IRF2: variants seen among roughly 807,000 people sequenced by gnomAD.
IRF2 encodes the protein interferon regulatory factor 2.
In IRF2, 15 loss-of-function variants were observed where a neutral mutation model predicts 40.6. The ratio of observed to expected loss-of-function variants is 0.37; its 90% CI spans 0.25 to 0.57. The LOEUF (loss-of-function observed/expected upper bound fraction) is 0.57, where lower values mean the gene tolerates loss of function less well. Ranked by LOEUF, IRF2 falls within the 20% of genes least tolerant of loss-of-function variation. The probability of loss-of-function intolerance (pLI) is 0.77; values close to 1 mark genes in which losing one functional copy is unlikely to be tolerated. For synonymous variants in IRF2, 151 were observed against 165.5 expected, an observed-to-expected ratio of 0.91 and a Z score of 0.67; for missense variants, 317 against 455.7, an observed-to-expected ratio of 0.70 and a Z score of 2.77.
intron 1 of IRF2, among the ~76,000 whole-genome samples, chr4:184,434,309 T>G (rs897708681): frequency 6.6e-6 from 1 of 152,314 alleles, no homozygotes; most frequent in Non-Finnish European, 1.5e-5. Context: ...GGCTAATCCC[T>G]CCATCTTCCC....
At chr4:184,429,730 C>A (rs1490048743) in intron 1 of IRF2, among the ~76,000 whole-genome samples, 1 of 152,158 alleles carries the variant, frequency 6.6e-6, no homozygotes, top group Admixed American at 6.5e-5. Context: ...ATGCCAGCCT[C>A]CCCGCTGACC....
chr4:184,417,555 C>T (rs1737324762), intron 5 of IRF2, among the ~76,000 whole-genome samples: 1 of 152,174 alleles, frequency 6.6e-6, no homozygotes, highest in Admixed American at 6.5e-5. Context: ...TAAAGATCCT[C>T]AGACTGTAGG....
chr4:184,456,585 G>C (rs573585615), intron 1 of IRF2, among the ~76,000 whole-genome samples: 1 of 152,198 alleles, frequency 6.6e-6, no homozygotes, highest in Admixed American at 6.5e-5. Context: ...GAAACCCCTC[G>C]GTCCAGCCAG....
At chr4:184,465,936 T>C (rs1367100906) in intron 1 of IRF2, among the ~76,000 whole-genome samples, 1 of 152,214 alleles carries the variant, frequency 6.6e-6, no homozygotes, top group Admixed American at 6.5e-5. Flanking sequence ...TCCAGAAAGT[T>C]TATTTCAATG....
Position 184,418,216 on chromosome 4 carries a change from G to A in IRF2, c.365-3C>T. 3 of 1,611,628 alleles carry A rather than the reference G, an allele frequency of 1.9e-6. No homozygotes were observed. Among genetic ancestry groups the A allele is most frequent in the Non-Finnish European group, 2.5e-6 (3 of 1,177,708 alleles). On this transcript the variant is annotated splice_polypyrimidine_tract_variant and splice_region_variant and intron_variant, in intron 4 of 8. Transcript: ENST00000393593. ...TTTTTCTGTCTTTGGTTTCTTTCCT[G>A]TGGCAACAAAAATGTAGTTTTGGAT...
rs182258458 is a variant in IRF2, at chr4:184,455,435, G to A, written c.-7+18944C>T. ...GCTGGGATTACAGGCATGAGCCACC[G>A]CACTCAGCCTCCTTCCACCTTCTGA... On this transcript the variant is annotated intron_variant, in intron 1 of 8. Coordinates refer to ENST00000393593, the MANE Select transcript of IRF2 (RefSeq NM_002199.4). Among the ~76,000 whole-genome samples, 273 of 144,756 alleles carry A rather than the reference G, an allele frequency of 1.9e-3. 3 individuals are homozygous for A. Among genetic ancestry groups the A allele is most frequent in the African/African-American group, 5.8e-3 (227 of 39,164 alleles). 95.0% of individuals were successfully genotyped at this position (144,756 alleles called of 152,430 possible).
At chr4:184,416,398 T>TAAA (rs569437089) in intron 5 of IRF2, among the ~76,000 whole-genome samples, 4 of 137,190 alleles carry the variant, frequency 2.9e-5, no homozygotes, top group African/African-American at 1.1e-4. Context: ...TGTTCAATTG[T>TAAA]AAAAAAAAAA....
At chr4:184,425,598 T>C (rs531123411) in intron 2 of IRF2, among the ~76,000 whole-genome samples, 3 of 152,354 alleles carry the variant, frequency 2.0e-5, no homozygotes, top group African/African-American at 7.2e-5. Flanking sequence ...GGTCCAGCTG[T>C]AGCGGAGGAG....
intron 1 of IRF2, among the ~76,000 whole-genome samples, chr4:184,457,731 C>T (rs1738995473): frequency 6.6e-6 from 1 of 152,146 alleles, no homozygotes; most frequent in South Asian, 2.1e-4. Flanking sequence ...GCACACGCCT[C>T]AGAGCTCCTC....
intron 6 of IRF2, among the ~76,000 whole-genome samples, chr4:184,406,315 C>T (rs1230217749): frequency 8.6e-5 from 13 of 151,874 alleles, no homozygotes; most frequent in East Asian, 3.9e-4. Flanking sequence ...CTGCAACCTC[C>T]GCCTCCTGGG....
At chr4:184,406,119 A>C (rs1736845210) in intron 6 of IRF2, among the ~76,000 whole-genome samples, 1 of 152,184 alleles carries the variant, frequency 6.6e-6, no homozygotes, top group Non-Finnish European at 1.5e-5. Context: ...CCTTCTCCTA[A>C]GGGGTGAACA....
intron 1 of IRF2, among the ~76,000 whole-genome samples, chr4:184,461,373 T>C (rs541354115): frequency 6.6e-6 from 1 of 152,310 alleles, no homozygotes; most frequent in Non-Finnish European, 1.5e-5. Flanking sequence ...CGGCTTCCCC[T>C]ACAATCTGAA....
At chr4:184,457,809 A>C (rs567022536) in intron 1 of IRF2, among the ~76,000 whole-genome samples, 11 of 152,028 alleles carry the variant, frequency 7.2e-5, no homozygotes, top group African/African-American at 2.7e-4. Context: ...CATTTTCTGA[A>C]ATGCACAGGG....
intron 1 of IRF2, among the ~76,000 whole-genome samples, chr4:184,473,674 C>T (rs1228348988): frequency 6.7e-6 from 1 of 149,134 alleles, no homozygotes; most frequent in African/African-American, 2.4e-5. Context: ...CGCTGGCACC[C>T]GACGCCCGCG....
intron 5 of IRF2, among the ~76,000 whole-genome samples, chr4:184,412,005 T>TA (rs35183333): frequency 0.051 from 4,899 of 95,202 alleles, 438 homozygotes; most frequent in African/African-American, 0.19. Context: ...CTCCAAAGAT[T>TA]AAAAAAAAAA....
At chr4:184,436,782 A>G (rs1738095513) in intron 1 of IRF2, among the ~76,000 whole-genome samples, 1 of 152,246 alleles carries the variant, frequency 6.6e-6, no homozygotes, top group African/African-American at 2.4e-5. Context: ...GGGTGTCTTC[A>G]TAAGAGTCAC....
At chr4:184,432,722 C>G (rs575563887) in intron 1 of IRF2, among the ~76,000 whole-genome samples, 1 of 152,112 alleles carries the variant, frequency 6.6e-6, no homozygotes, top group Non-Finnish European at 1.5e-5. Context: ...AGAAGAATGC[C>G]GCGTGAAGAC....
chr4:184,413,086 C>T lies in IRF2; in HGVS notation c.412-4811G>A, dbSNP rs543487008. On this transcript the variant is annotated intron_variant, in intron 5 of 8. Transcript: ENST00000393593. The surrounding 1 kb of genome is among the most constrained non-coding windows in gnomAD (Gnocchi z 4.2). Reference sequence around the variant, plus strand: ...ACGCCGGGGCCTCCTCTTTAGGCCGCTCTTATCTGCATCCTCCGTACCCTC... The same window carrying T: ...ACGCCGGGGCCTCCTCTTTAGGCCGTTCTTATCTGCATCCTCCGTACCCTC... Among the ~76,000 whole-genome samples the T allele has an allele frequency of 1.8e-4, 28 of 152,316 alleles. No individual in the cohort carries two copies. The highest frequency in any genetic ancestry group is 6.7e-4 in the African/African-American group (28 of 41,562).
chr4:184,455,748 T>A (rs1738901100), intron 1 of IRF2, among the ~76,000 whole-genome samples: 1 of 152,102 alleles, frequency 6.6e-6, no homozygotes, highest in African/African-American at 2.4e-5. Context: ...ACAAAAAGCA[T>A]GCAACCTAAA....
Sources: gnomAD v4.1 joint callset for allele counts (sites outside exome capture counted in the v4.1 genomes callset) on GRCh38, gnomAD v4.1.1 for gene constraint, Gnocchi (gnomAD v3.1) non-coding constraint, MANE v1.5 for transcripts, NCBI Gene and HGNC (gene_info 2026-07-23, HGNC 2026-07-21) for gene names.